The following TMEM163 variants were observed in gnomAD, a reference collection of about 807,000 sequenced individuals.
TMEM163 encodes the protein transmembrane protein 163.
TMEM163 carries 17 observed loss-of-function variants against 29.3 expected under a neutral mutation model. The observed-to-expected ratio is 0.58, with a 90% CI of 0.40 to 0.87. The LOEUF is 0.87. TMEM163 is among the 40% of genes least tolerant of loss of function. The pLI is 0.00. For missense variants in TMEM163, 303 were observed against 381.5 expected (o/e 0.79, Z 1.71); for synonymous variants, 157 against 160.6 (o/e 0.98, Z 0.17).
At chr2:134,603,619 G>A (rs929988536) in intron 2 of TMEM163, among the ~76,000 whole-genome samples, 1 of 152,102 alleles carries the variant, frequency 6.6e-6, no homozygotes, top group African/African-American at 2.4e-5. Flanking sequence ...ACAGGTTACT[G>A]AGACCACACA....
At chr2:134,691,536 A>T (rs1021442205) in intron 2 of TMEM163, among the ~76,000 whole-genome samples, 1 of 152,190 alleles carries the variant, frequency 6.6e-6, no homozygotes, top group Non-Finnish European at 1.5e-5. Flanking sequence ...ATACACACAC[A>T]CGTGCATGTA....
At chr2:134,675,609 G>C (rs1670529372) in intron 2 of TMEM163, among the ~76,000 whole-genome samples, 1 of 152,200 alleles carries the variant, frequency 6.6e-6, no homozygotes. Flanking sequence ...ATGACTTTTA[G>C]ATATCTAAGC....
chr2:134,536,932 T>C (rs1442212788), intron 4 of TMEM163, among the ~76,000 whole-genome samples: 1 of 152,088 alleles, frequency 6.6e-6, no homozygotes, highest in Non-Finnish European at 1.5e-5. Flanking sequence ...GATCACAGTA[T>C]CAACATAGCC....
chr2:134,472,404 A>T (rs1337923837), intron 5 of TMEM163, among the ~76,000 whole-genome samples: 1 of 152,272 alleles, frequency 6.6e-6, no homozygotes, highest in Non-Finnish European at 1.5e-5. Context: ...AAATGCTCAT[A>T]AAAGAAATGA....
At position 134,655,308 on chromosome 2, in the gene TMEM163, T is replaced by C. The variant is rs545373234; in HGVS notation, c.322+57892A>G. 2.3e-5 allele frequency among the ~76,000 whole-genome samples: 3 copies of C among 129,724 alleles called. No homozygotes were observed. In the South Asian group the frequency reaches 7.6e-4, roughly 33 times the overall value. 85.1% of individuals were successfully genotyped at this position (129,724 alleles called of 152,430 possible). Reference sequence around the variant, plus strand: ...TTCATTTCATTCATTTCATCTTCCATTGCTGATACCCTTTCTTCCAGTTGA... The same window carrying C: ...TTCATTTCATTCATTTCATCTTCCACTGCTGATACCCTTTCTTCCAGTTGA... On this transcript the variant is annotated intron_variant, in intron 2 of 7. Coordinates refer to ENST00000281924, the MANE Select transcript of TMEM163 (RefSeq NM_030923.5).
rs116545720 is a variant in TMEM163, at chr2:134,526,348, A to G, written c.459-23351T>C. On this transcript the variant is annotated intron_variant, in intron 4 of 7. Coordinates refer to ENST00000281924, the MANE Select transcript of TMEM163 (RefSeq NM_030923.5). ...TATTTTAAGTAAACTAGTGTTCCAC[A>G]TCAGAAGTCTCTCAGACTATTAACC... Among the ~76,000 whole-genome samples the G allele has an allele frequency of 6.6e-3, 1,012 of 152,336 alleles. 16 individuals carry two copies. The highest frequency in any genetic ancestry group is 0.023 in the African/African-American group (944 of 41,578).
intron 2 of TMEM163, among the ~76,000 whole-genome samples, chr2:134,689,252 G>A (rs1047761396): frequency 3.3e-5 from 5 of 151,998 alleles, no homozygotes; most frequent in African/African-American, 1.2e-4. Flanking sequence ...GGGATTACAG[G>A]CATGCATCAC....
chr2:134,613,150 C>T (rs904372913), intron 2 of TMEM163, among the ~76,000 whole-genome samples: 4 of 152,046 alleles, frequency 2.6e-5, no homozygotes, highest in East Asian at 3.8e-4. Context: ...GTGCTTAACA[C>T]CAGATCTGAG....
intron 2 of TMEM163, among the ~76,000 whole-genome samples, chr2:134,642,810 A>G (rs1683250939): frequency 6.6e-6 from 1 of 152,180 alleles, no homozygotes; most frequent in Non-Finnish European, 1.5e-5. Context: ...AATATTACAA[A>G]TGCAACAAAA....
chr2:134,542,666 G>A (rs915639948), intron 4 of TMEM163, among the ~76,000 whole-genome samples: 39 of 152,066 alleles, frequency 2.6e-4, no homozygotes, highest in African/African-American at 9.2e-4. Context: ...CCCAGTCCGC[G>A]GAAAAATTTT....
At chr2:134,494,910 C>A (rs1299725843) in intron 5 of TMEM163, among the ~76,000 whole-genome samples, 4 of 152,144 alleles carry the variant, frequency 2.6e-5, no homozygotes, top group African/African-American at 9.7e-5. Context: ...CTTCAGAAGA[C>A]CCCCGGCAGA....
chr2:134,467,136 A>T (rs1686687112), intron 5 of TMEM163: 1 of 152,226 alleles, frequency 6.6e-6, no homozygotes, highest in African/African-American at 2.4e-5. Context: ...TTTGAAAAGC[A>T]ACTTCACTGG....
rs191911852 is a variant in TMEM163 at position 134,715,702 on chromosome 2, C to G, written c.203-2383G>C. 1.7e-4 allele frequency among the ~76,000 whole-genome samples: 26 copies of G among 152,316 alleles called. No individual in the cohort carries two copies. The East Asian group carries it at 4.4e-3, about 26-fold the overall frequency. On this transcript the variant is annotated intron_variant, in intron 1 of 7. Coordinates refer to ENST00000281924, the MANE Select transcript of TMEM163 (RefSeq NM_030923.5). Reference sequence around the variant, plus strand: ...CACTCATGTTGGATGCAGGCACACTCACAAGTTACAAAGATGTAGTGAGAA... The same window carrying G: ...CACTCATGTTGGATGCAGGCACACTGACAAGTTACAAAGATGTAGTGAGAA...
intron 5 of TMEM163, among the ~76,000 whole-genome samples, chr2:134,481,081 A>G (rs1457501386): frequency 4.6e-5 from 7 of 152,168 alleles, no homozygotes; most frequent in Admixed American, 1.3e-4. Context: ...GGAATCACAC[A>G]GTATGAATTT....
At chr2:134,487,355 A>G (rs1679338784) in intron 5 of TMEM163, among the ~76,000 whole-genome samples, 1 of 152,258 alleles carries the variant, frequency 6.6e-6, no homozygotes, top group African/African-American at 2.4e-5. Flanking sequence ...TAATAGCAAT[A>G]AAACTCACAA....
intron 2 of TMEM163, among the ~76,000 whole-genome samples, chr2:134,638,099 G>A (rs1683145349): frequency 6.6e-6 from 1 of 152,136 alleles, no homozygotes; most frequent in Non-Finnish European, 1.5e-5. Flanking sequence ...TATATACATT[G>A]TTTTGCCTCT....
intron 1 of TMEM163, 46 bp downstream of exon 1, chr2:134,718,688 G>A (rs766053891): frequency 2.1e-4 from 234 of 1,120,624 alleles, no homozygotes; most frequent in Non-Finnish European, 2.4e-4. Flanking sequence ...GGCGGGCCCC[G>A]AGCAGCCACC....
chr2:134,497,947 G>C (rs1316788794), intron 5 of TMEM163, among the ~76,000 whole-genome samples: 1 of 152,214 alleles, frequency 6.6e-6, no homozygotes, highest in African/African-American at 2.4e-5. Flanking sequence ...AGCTGAGTCT[G>C]AAATCACCTC....
intron 4 of TMEM163, among the ~76,000 whole-genome samples, chr2:134,507,820 G>A (rs542652800): frequency 2.9e-4 from 44 of 152,186 alleles, no homozygotes; most frequent in Non-Finnish European, 5.9e-4. Flanking sequence ...TCGTGCCACT[G>A]CACTGCAGTC....
Sources: gnomAD v4.1 joint callset for allele counts (sites outside exome capture counted in the v4.1 genomes callset) on GRCh38, gnomAD v4.1.1 for gene constraint, MANE v1.5 for transcripts, NCBI Gene and HGNC (gene_info 2026-07-23, HGNC 2026-07-21) for gene names.